The following PDGFC variants were observed in gnomAD, a reference collection of about 807,000 sequenced individuals.
PDGFC encodes the protein platelet derived growth factor C.
PDGFC carries 12 observed loss-of-function variants against 35.5 expected under a neutral mutation model. That is an observed-to-expected ratio of 0.34 (90% CI 0.22 to 0.55). PDGFC has a LOEUF of 0.55. PDGFC is among the 20% of genes least tolerant of loss of function. The probability of loss-of-function intolerance (pLI) is 0.91; values close to 1 mark genes in which losing one functional copy is unlikely to be tolerated. For missense variants in PDGFC, 322 were observed against 412.4 expected, an observed-to-expected ratio of 0.78 and a Z score of 1.90; for synonymous variants, 159 against 148.8, an observed-to-expected ratio of 1.07 and a Z score of -0.50.
chr4:156,854,413 G>A (rs1187086366), intron 1 of PDGFC, among the ~76,000 whole-genome samples: 3 of 151,758 alleles, frequency 2.0e-5, no homozygotes, highest in Non-Finnish European at 4.4e-5. Flanking sequence ...CTATTAAATT[G>A]GACTATATTT....
rs187663773 is a variant in PDGFC at position 156,788,324 on chromosome 4, A to G, written c.496-15431T>C. On this transcript the variant is annotated intron_variant, in intron 3 of 5. Coordinates refer to ENST00000502773, the MANE Select transcript of PDGFC (RefSeq NM_016205.3). ...TCCAGAACCCCGAAAAGCTACCAAG[A>G]TCAACGGCAACTTTTGTTACTAAGG... Among the ~76,000 whole-genome samples, 36 of 152,330 alleles carry G rather than the reference A, an allele frequency of 2.4e-4. No individual in the cohort carries two copies. In the Middle Eastern group the frequency reaches 0.014, roughly 58 times the overall value.
intron 3 of PDGFC, among the ~76,000 whole-genome samples, chr4:156,790,190 T>C (rs569299358): frequency 1.1e-4 from 17 of 152,152 alleles, no homozygotes; most frequent in Non-Finnish European, 1.9e-4. Context: ...TCTAATTTAA[T>C]GGGTTGTTTT....
At chr4:156,860,342 C>G (rs550804182) in intron 1 of PDGFC, among the ~76,000 whole-genome samples, 1 of 152,132 alleles carries the variant, frequency 6.6e-6, no homozygotes, top group South Asian at 2.1e-4. Context: ...GAGTGTAATC[C>G]CCTACCCAGC....
chr4:156,878,208 G>A (rs777867801), intron 1 of PDGFC, among the ~76,000 whole-genome samples: 2 of 152,136 alleles, frequency 1.3e-5, no homozygotes, highest in Non-Finnish European at 2.9e-5. Context: ...ATGGCTATCT[G>A]TAATTTAGAC....
At chr4:156,941,683 G>A (rs1005525421) in intron 1 of PDGFC, among the ~76,000 whole-genome samples, 1 of 151,968 alleles carries the variant, frequency 6.6e-6, no homozygotes, top group African/African-American at 2.4e-5. Context: ...CAACTTTTGG[G>A]CCGGTTAACG....
intron 1 of PDGFC, among the ~76,000 whole-genome samples, chr4:156,954,821 G>C (rs547750958): frequency 6.6e-6 from 1 of 151,960 alleles, no homozygotes; most frequent in Non-Finnish European, 1.5e-5. Flanking sequence ...CATATGACTC[G>C]TTTAGAACCC....
chr4:156,843,104 A>G (rs549384734), intron 2 of PDGFC, among the ~76,000 whole-genome samples: 1 of 152,252 alleles, frequency 6.6e-6, no homozygotes, highest in African/African-American at 2.4e-5. Flanking sequence ...GTGAAATCCT[A>G]ACCCCTAAGG....
intron 3 of PDGFC, among the ~76,000 whole-genome samples, chr4:156,785,760 T>C (rs1237762222): frequency 6.6e-6 from 1 of 152,164 alleles, no homozygotes; most frequent in East Asian, 1.9e-4. Context: ...CACATTTTTT[T>C]CCATGTAGAA....
chr4:156,853,049 G>A (rs1342937354), intron 1 of PDGFC, among the ~76,000 whole-genome samples: 1 of 152,132 alleles, frequency 6.6e-6, no homozygotes, highest in Non-Finnish European at 1.5e-5. Flanking sequence ...AATCCTAACT[G>A]ACAGAACTGA....
intron 1 of PDGFC, among the ~76,000 whole-genome samples, chr4:156,862,475 C>A (rs1341794666): frequency 6.6e-6 from 1 of 151,928 alleles, no homozygotes; most frequent in Non-Finnish European, 1.5e-5. Context: ...TTTAGTAAAC[C>A]CATTGAATTT....
At chr4:156,820,727 AT>A (rs551061221) in intron 2 of PDGFC, among the ~76,000 whole-genome samples, 10 of 152,334 alleles carry the variant, frequency 6.6e-5, no homozygotes, top group East Asian at 1.9e-4. Flanking sequence ...GAGAAAAAAA[AT>A]ATATGATCAT....
chr4:156,922,154 T>TTGTGTG (rs1560874353), intron 1 of PDGFC, among the ~76,000 whole-genome samples: 1 of 86,506 alleles, frequency 1.2e-5, no homozygotes, highest in Non-Finnish European at 2.3e-5. Context: ...CAAGGATTCA[T>TTGTGTG]AGTGTGTGTG....
intron 1 of PDGFC, among the ~76,000 whole-genome samples, chr4:156,904,496 C>T (rs17231468): frequency 0.49 from 74,034 of 151,820 alleles, 19,948 homozygotes; most frequent in East Asian, 0.63. Flanking sequence ...ATAAAAATAG[C>T]CTTCATTTCT....
At chr4:156,957,158 C>A (rs550510602) in intron 1 of PDGFC, among the ~76,000 whole-genome samples, 1 of 152,012 alleles carries the variant, frequency 6.6e-6, no homozygotes, top group African/African-American at 2.4e-5. Context: ...CCAATATCAA[C>A]GGTAGGAGAA....
At chr4:156,880,799 G>A (rs114669093) in intron 1 of PDGFC, among the ~76,000 whole-genome samples, 2,244 of 152,234 alleles carry the variant, frequency 0.015, 21 homozygotes, top group South Asian at 0.018. Flanking sequence ...GCCTGAAGAC[G>A]TAAGTGAATT....
chr4:156,854,057 T>C (rs1729517641), intron 1 of PDGFC, among the ~76,000 whole-genome samples: 1 of 152,176 alleles, frequency 6.6e-6, no homozygotes, highest in Non-Finnish European at 1.5e-5. Flanking sequence ...CTTTCAAAAA[T>C]GAGTTTCTCC....
intron 1 of PDGFC, among the ~76,000 whole-genome samples, chr4:156,887,810 G>A (rs552094052): frequency 6.6e-6 from 1 of 151,844 alleles, no homozygotes; most frequent in South Asian, 2.1e-4. Flanking sequence ...GCTCAAGAGT[G>A]CAACATGGCG....
chr4:156,960,436 T>C (rs1458014297), intron 1 of PDGFC, among the ~76,000 whole-genome samples: 1 of 151,262 alleles, frequency 6.6e-6, no homozygotes, highest in Non-Finnish European at 1.5e-5. Context: ...CTTATAACTT[T>C]AGATGCAGAC....
chr4:156,816,898 G>C (rs1035810216), intron 2 of PDGFC, among the ~76,000 whole-genome samples: 2 of 152,108 alleles, frequency 1.3e-5, no homozygotes, highest in East Asian at 3.9e-4. Context: ...AGTCAATGTG[G>C]TAATTTAGGC....
Sources: gnomAD v4.1 joint callset for allele counts (sites outside exome capture counted in the v4.1 genomes callset) on GRCh38, gnomAD v4.1.1 for gene constraint, MANE v1.5 for transcripts, NCBI Gene and HGNC (gene_info 2026-07-23, HGNC 2026-07-21) for gene names.